CEP350: variants seen among roughly 807,000 people sequenced by gnomAD.
CEP350 encodes centrosomal protein 350.
In CEP350, 126 loss-of-function variants were observed where a neutral mutation model predicts 331.8. The observed-to-expected ratio is 0.38, with a 90% CI of 0.33 to 0.44. CEP350 has a LOEUF of 0.44. Ranked by LOEUF, CEP350 falls within the 20% of genes least tolerant of loss-of-function variation. The pLI is 1.00. For missense variants in CEP350, 3,406 were observed against 3,634.6 expected (o/e 0.94, Z 1.62); for synonymous variants, 1,200 against 1,259.5 (o/e 0.95, Z 1.00).
intron 22 of CEP350, among the ~76,000 whole-genome samples, chr1:180,051,248 TCCTCCGCTCTACCAGA>T (rs996336559): frequency 1.1e-4 from 17 of 152,288 alleles, no homozygotes; most frequent in South Asian, 6.2e-4. Flanking sequence ...AATTTTACAG[TCCTCCGCTCTACCAGA>T]CCTCCGCTCT....
At chr1:179,995,941 T>C (rs1297556966) in intron 5 of CEP350, among the ~76,000 whole-genome samples, 1 of 152,230 alleles carries the variant, frequency 6.6e-6, no homozygotes, top group Non-Finnish European at 1.5e-5. Context: ...ATATATGAAA[T>C]GCCATTATTT....
intron 5 of CEP350, among the ~76,000 whole-genome samples, chr1:179,995,431 C>G (rs948693397): frequency 1.3e-5 from 2 of 152,048 alleles, no homozygotes; most frequent in South Asian, 4.1e-4. Flanking sequence ...ATGGTGAAAC[C>G]CTGTCTGTAC....
chr1:179,990,674 CA>C, intron 4 of CEP350, 53 bp downstream of exon 4: 1 of 972,500 alleles, frequency 1.0e-6, no homozygotes, highest in Non-Finnish European at 1.5e-6. Context: ...TAAATTTTGA[CA>C]AAACAGACAG....
At chr1:180,078,895 T>C (rs1659400562) in intron 29 of CEP350, among the ~76,000 whole-genome samples, 1 of 152,172 alleles carries the variant, frequency 6.6e-6, no homozygotes, top group Non-Finnish European at 1.5e-5. Context: ...TCTGTGAATA[T>C]TGAGGGAATA....
At chr1:180,049,707 C>G (rs1437995952) in intron 22 of CEP350, among the ~76,000 whole-genome samples, 1 of 152,068 alleles carries the variant, frequency 6.6e-6, no homozygotes, top group Non-Finnish European at 1.5e-5. Flanking sequence ...CAACACCTGG[C>G]TAATTTTTGT....
chr1:180,065,690 C>G (rs977547625), intron 27 of CEP350, among the ~76,000 whole-genome samples: 1 of 151,652 alleles, frequency 6.6e-6, no homozygotes, highest in Admixed American at 6.6e-5. Flanking sequence ...CCTAGGAGAT[C>G]AAGGCTGCAG....
chr1:180,007,540 C>T (rs1249516483), intron 8 of CEP350, among the ~76,000 whole-genome samples: 3 of 152,128 alleles, frequency 2.0e-5, no homozygotes, highest in Non-Finnish European at 2.9e-5. Context: ...AAATTTTTCT[C>T]CCATTCTGTA....
rs1655280979 is a variant in CEP350 at position 180,020,868 on chromosome 1, C to G, written c.3094C>G (p.Gln1032Glu). The G allele has an allele frequency of 6.2e-7, 1 of 1,613,464 alleles. No individual in the cohort carries two copies. The highest frequency in any genetic ancestry group is 1.3e-5 in the African/African-American group (1 of 74,894). Residue 1032 changes from glutamine (Q) to glutamate (E), a missense_variant, in exon 12 of 38, where the codon CAG (glutamine) becomes GAG (glutamate). Around this residue, in one of 5 missense-constraint regions of CEP350, gnomAD observed 1,857 missense variants for 1,909.2 expected, o/e 0.97. Coordinates refer to ENST00000367607, the MANE Select transcript of CEP350 (RefSeq NM_014810.5). The stretch of plus-strand genomic sequence containing the variant: ...TAGTTATGAACCCATCAAAGAGTTT[C>G]AGAAAGAAGCTGAAAAATTCTTGCC... Reference protein sequence around the residue: ...RNSYEPIKEFQKEAEKFLPLF... With the variant: ...RNSYEPIKEFEKEAEKFLPLF...
chr1:180,039,827 A>G (rs973279427), intron 17 of CEP350, among the ~76,000 whole-genome samples: 2 of 152,146 alleles, frequency 1.3e-5, no homozygotes, highest in Non-Finnish European at 2.9e-5. Context: ...TAGGATTTTC[A>G]TTAGAATGGT....
chr1:180,079,621 A>G (rs1445079668), intron 29 of CEP350, among the ~76,000 whole-genome samples: 1 of 151,960 alleles, frequency 6.6e-6, no homozygotes, highest in African/African-American at 2.4e-5. Context: ...TGATAATATT[A>G]GACTTATATA....
chr1:180,073,898 C>T (rs1659050201), intron 27 of CEP350: 1 of 1,304,596 alleles, frequency 7.7e-7, no homozygotes, highest in Non-Finnish European at 1.0e-6. Context: ...TATCTACAAC[C>T]AGTTGGTCAG....
chr1:180,085,844 T>C (rs1659830149), intron 31 of CEP350: 1 of 152,242 alleles, frequency 6.6e-6, no homozygotes. Flanking sequence ...GTTATTAATT[T>C]AATCATCAAA....
In CEP350 at chr1:180,113,326, A is replaced by C. The variant is rs1385375887; in HGVS notation, c.*2165A>C. ...CTACATCTTCATTATTTGGACCTAA[A>C]ACCAGTTTTTAATAAGAAAGTTTAT... On this transcript the variant is annotated 3_prime_UTR_variant, in exon 38 of 38. Transcript: ENST00000367607. The C allele has an allele frequency of 6.6e-6, 1 of 152,128 alleles. No homozygotes were observed. Among genetic ancestry groups the C allele is most frequent in the Non-Finnish European group, 1.5e-5 (1 of 68,032 alleles). The allele number at this position is 152,128 out of a possible 1,614,324, so 9.4% of individuals were successfully genotyped here. A position where few individuals can be genotyped will look rare whatever the true frequency, so the allele number is the denominator to read the frequency against.
Position 180,013,973 on chromosome 1 carries a change from C to G in CEP350, c.1520C>G (p.Ser507Cys), listed in dbSNP as rs369754701. ...AATAATATAAAGAAACTAGCTTCAT[C>G]TCTTCCAGATAATAAGCAGGAGGAA... ...SENNIKKLASSLPDNKQEENT... is the reference protein window; with the variant it reads ...SENNIKKLASCLPDNKQEENT... Residue 507 changes from serine to cysteine, a missense_variant, in exon 10 of 38, where the codon TCT (serine) becomes TGT (cysteine). Ser to Cys is a moderately radical substitution (Grantham distance 112, BLOSUM62 -1). Transcript: ENST00000367607. 71 of 1,613,534 alleles carry G rather than the reference C, an allele frequency of 4.4e-5. No homozygotes were observed. The highest frequency in any genetic ancestry group is 4.8e-5 in the Non-Finnish European group (57 of 1,179,640).
At chr1:180,022,553 A>T (rs2477116) in intron 12 of CEP350, 145 bp from the exon 13 acceptor site, 386,290 of 616,046 alleles carry the variant, frequency 0.63, 125,220 homozygotes, top group East Asian at 0.74. Flanking sequence ...GTATCATTGG[A>T]TATAAAGGTA....
chr1:180,087,400 A>T (rs1374574119), intron 31 of CEP350, 178 bp from the exon 32 acceptor site: 6 of 452,678 alleles, frequency 1.3e-5, no homozygotes, highest in African/African-American at 1.2e-4. Flanking sequence ...TATTTTGAGA[A>T]GGATGTACAA....
chr1:179,988,966 T>TTAACTTAGTGCTAAAC (rs1264102005), intron 3 of CEP350, among the ~76,000 whole-genome samples: 4 of 152,122 alleles, frequency 2.6e-5, no homozygotes, highest in African/African-American at 9.7e-5. Context: ...ATCCCCCAGC[T>TTAACTTAGTGCTAAAC]TAACTTAGTG....
intron 25 of CEP350, among the ~76,000 whole-genome samples, chr1:180,054,892 C>T (rs921368576): frequency 2.0e-5 from 3 of 152,102 alleles, no homozygotes; most frequent in African/African-American, 7.2e-5. Context: ...AATATTTTGG[C>T]TTAATGGACT....
Position 180,078,663 on chromosome 1 carries a change from C to T in CEP350, c.5968C>T (p.Pro1990Ser). 1.2e-6 allele frequency: 2 copies of T among 1,604,254 alleles called. No individual in the cohort carries two copies. Among genetic ancestry groups the T allele is most frequent in the East Asian group, 2.2e-5 (1 of 44,616 alleles). ...ACAGGAACTAGAATCTTCTACCTCTCCTAGTAAACATGTAAGTTAATGTAT... is the reference window on the plus strand; with the variant it reads ...ACAGGAACTAGAATCTTCTACCTCTTCTAGTAAACATGTAAGTTAATGTAT... ...CSQELESSTSPSKHSLPKSCT... is the reference protein window; with the variant it reads ...CSQELESSTSSSKHSLPKSCT... The change falls in exon 29 of 38, where the codon CCT becomes TCT. Residue 1990 changes from proline to serine, a missense_variant. Transcript: ENST00000367607.
Sources: gnomAD v4.1 joint callset for allele counts (sites outside exome capture counted in the v4.1 genomes callset) on GRCh38, gnomAD v4.1.1 for gene constraint, gnomAD v4.1.1 regional missense constraint, MANE v1.5 for transcripts, NCBI Gene and HGNC (gene_info 2026-07-23, HGNC 2026-07-21) for gene names.